PSG3: variants seen among roughly 807,000 people sequenced by gnomAD.
The protein encoded by PSG3 is pregnancy specific beta-1-glycoprotein 3.
PSG3 carries 61 observed loss-of-function variants against 47.5 expected under a neutral mutation model. That is an observed-to-expected ratio of 1.28 (90% CI 1.05 to 1.59). The LOEUF (loss-of-function observed/expected upper bound fraction) is 1.59, where lower values mean the gene tolerates loss of function less well. PSG3 is among the 40% of genes most tolerant of loss of function. The pLI, the probability that PSG3 is intolerant of heterozygous loss-of-function variation, is 0.00. For synonymous variants in PSG3, 263 were observed against 198.4 expected (o/e 1.33, Z -2.74); for missense variants, 756 against 524.0 (o/e 1.44, Z -4.32).
chr19:42,734,455 T>C (rs1251243286), intron 2 of PSG3, among the ~76,000 whole-genome samples: 2 of 152,216 alleles, frequency 1.3e-5, no homozygotes, highest in African/African-American at 4.8e-5. Flanking sequence ...ACTGTAATTT[T>C]CCCATAAAAA....
Position 42,730,014 on chromosome 19 carries a change from G to C in PSG3, c.752C>G (p.Pro251Arg). Reference sequence around the variant, plus strand: ...GGCTAAGACATCCTTATTCTCCCTGGGGTTTAAGTTGTTGATGGTGATGTA... The same window carrying C: ...GGCTAAGACATCCTTATTCTCCCTGCGGTTTAAGTTGTTGATGGTGATGTA... ...KPYITINNLN[P>R]RENKDVLAFT... The change falls in exon 4 of 7, where the codon CCC becomes CGC. Residue 251 changes from proline (P) to arginine (R), a missense_variant. Pro to Arg is a moderately radical substitution (Grantham distance 103). Coordinates refer to ENST00000327495, the MANE Select transcript of PSG3 (RefSeq NM_021016.4). 3.7e-6 allele frequency: 6 copies of C among 1,612,468 alleles called. No homozygotes were observed. Among genetic ancestry groups the C allele is most frequent in the Non-Finnish European group, 5.1e-6 (6 of 1,179,832 alleles).
rs752610700 is a variant in PSG3, at chr19:42,738,829, T to A, written c.325A>T (p.Ile109Phe). ...GCGTCCTCCCGGGTGACATTCTGGA[T>A]CAGCAGGGATGCATTGGAATATACT... The part of the protein sequence containing the change: ...ETVYSNASLL[I>F]QNVTREDAGS... The change falls in exon 2 of 7, where the codon ATC becomes TTC. Residue 109 changes from isoleucine to phenylalanine, a missense_variant. Ile to Phe is a conservative substitution (Grantham distance 21). Coordinates refer to ENST00000327495, the MANE Select transcript of PSG3 (RefSeq NM_021016.4). 6.2e-7 allele frequency: 1 copy of A among 1,614,118 alleles called. No homozygotes were observed.
Position 42,732,817 on chromosome 19 carries a change from T to G in PSG3, c.676A>C (p.Ser226Arg). 4.3e-6 allele frequency: 7 copies of G among 1,614,194 alleles called. No individual in the cohort carries two copies. In the Middle Eastern group the frequency reaches 1.2e-3, roughly 266 times the overall value. Residue 226 changes from serine (S) to arginine (R), a missense_variant, in exon 3 of 7, where the codon AGC becomes CGC. By Grantham distance (110) the Ser-to-Arg change is moderately radical. Coordinates refer to ENST00000327495, the MANE Select transcript of PSG3 (RefSeq NM_021016.4). ...ECEIRNPVSA[S>R]RSDPVTLNLL... ...TTCAGGGTGACTGGGTCACTGCGGC[T>G]GGCACTCACTGGGTTCCGTATTTCA...
chr19:42,736,890 G>C (rs561594406), intron 2 of PSG3, among the ~76,000 whole-genome samples: 94 of 152,224 alleles, frequency 6.2e-4, no homozygotes, highest in African/African-American at 2.3e-3. Context: ...CTGGGAGGTG[G>C]GCCAGGCCAC....
At chr19:42,740,206 C>T (rs1055644713) in intron 1 of PSG3, 115 bp downstream of exon 1, 3 of 1,595,688 alleles carry the variant, frequency 1.9e-6, no homozygotes, top group East Asian at 4.5e-5. Context: ...CCCTCCTCAG[C>T]CTCCCTAAGT....
intron 4 of PSG3, 24 bp from the exon 5 acceptor site, chr19:42,729,401 C>T (rs765142949): frequency 8.8e-6 from 14 of 1,596,782 alleles, no homozygotes; most frequent in African/African-American, 2.7e-5. Context: ...AATAAAGCCA[C>T]AGGTGATGTC....
intron 6 of PSG3, among the ~76,000 whole-genome samples, 154 bp downstream of exon 6, chr19:42,723,788 G>A (rs1015996458): frequency 6.6e-6 from 1 of 150,926 alleles, no homozygotes; most frequent in East Asian, 1.9e-4. Context: ...AAAGGCCAGG[G>A]AGAAAGGGAA....
rs369257144 is a variant in PSG3, at chr19:42,733,044, G to T, written c.449C>A (p.Ser150Tyr). ...GGGGTATAAGTTGCTGCTGGAGATG[G>T]AGGGCTTGGGAGTCTCCACTGTGCA... ...FTLYLETPKP[S>Y]ISSSNLYPRE... is the part of the protein sequence containing the mutation. The change falls in exon 3 of 7, where the codon TCC becomes TAC. Residue 150 changes from serine (S) to tyrosine (Y), a missense_variant. Coordinates refer to ENST00000327495, the MANE Select transcript of PSG3 (RefSeq NM_021016.4). The T allele has an allele frequency of 1.7e-5, 28 of 1,613,944 alleles. No individual in the cohort carries two copies. The highest frequency in any genetic ancestry group is 6.7e-5 in the East Asian group (3 of 44,882).
chr19:42,724,613 T>A (rs1025900304), intron 5 of PSG3, among the ~76,000 whole-genome samples: 2 of 152,128 alleles, frequency 1.3e-5, no homozygotes, highest in African/African-American at 2.4e-5. Context: ...TACCTAAAAC[T>A]TCTTTCTCTT....
chr19:42,723,329 T>C (rs1969326123), intron 6 of PSG3, among the ~76,000 whole-genome samples: 1 of 152,154 alleles, frequency 6.6e-6, no homozygotes, highest in Non-Finnish European at 1.5e-5. Context: ...AGACATAGCA[T>C]TGGAACTAAG....
intron 2 of PSG3, among the ~76,000 whole-genome samples, chr19:42,733,878 C>G (rs1359035787): frequency 6.6e-6 from 1 of 152,168 alleles, no homozygotes; most frequent in Non-Finnish European, 1.5e-5. Flanking sequence ...TTTGCAAATG[C>G]AGAACCGACT....
chr19:42,739,822 CT>C (rs1969638423), intron 1 of PSG3, among the ~76,000 whole-genome samples: 1 of 152,212 alleles, frequency 6.6e-6, no homozygotes, highest in African/African-American at 2.4e-5. Context: ...AAACAGAACA[CT>C]TAAGATTTTC....
chr19:42,729,058 C>A, intron 5 of PSG3, 65 bp downstream of exon 5: 1 of 1,612,032 alleles, frequency 6.2e-7, no homozygotes, highest in Non-Finnish European at 8.5e-7. Flanking sequence ...TTTCCTGACT[C>A]TTCTCTGAAA....
intron 1 of PSG3, chr19:42,739,424 C>T (rs1969629510): frequency 3.6e-6 from 1 of 274,236 alleles, no homozygotes; most frequent in Admixed American, 4.8e-5. Context: ...AGACTTCTTT[C>T]CTGACGCCTC....
chr19:42,722,023 C>T lies in PSG3; in HGVS notation c.*108G>A, dbSNP rs1969307589. ...TTGTCAGAGTCTTTTCATAAATCTC[C>T]TTGAACAAAAAGCAATTTTGGACTG... On this transcript the variant is annotated 3_prime_UTR_variant, in exon 7 of 7. Coordinates refer to ENST00000327495, the MANE Select transcript of PSG3 (RefSeq NM_021016.4). The T allele has an allele frequency of 2.4e-6, 1 of 416,258 alleles. No individual in the cohort carries two copies. Among genetic ancestry groups the T allele is most frequent in the Non-Finnish European group, 4.4e-6 (1 of 226,970 alleles). 25.8% of individuals were successfully genotyped at this position (416,258 alleles called of 1,614,324 possible).
Position 42,738,848 on chromosome 19 carries a change from A to T in PSG3, c.306T>A (p.Tyr102Ter), listed in dbSNP as rs757434622. 1.2e-6 allele frequency: 2 copies of T among 1,613,994 alleles called. No individual in the cohort carries two copies. The highest frequency in any genetic ancestry group is 1.7e-6 in the Non-Finnish European group (2 of 1,180,000). Residue 102 changes from tyrosine to a stop codon, truncating the protein, a stop_gained, in exon 2 of 7, where the codon TAT becomes TAA. Transcript: ENST00000327495. LOFTEE classifies it high-confidence loss of function. ...GPAYSGRETV[Y>*]SNASLLIQNV... is the part of the protein sequence containing the mutation. ...TCTGGATCAGCAGGGATGCATTGGA[A>T]TATACTGTTTCTCGTCCACTGTATG...
chr19:42,730,331 C>G (rs1017918050), intron 3 of PSG3, among the ~76,000 whole-genome samples: 1 of 152,132 alleles, frequency 6.6e-6, no homozygotes, highest in African/African-American at 2.4e-5. Context: ...GAGTCACAGC[C>G]CCTGGTACCC....
At position 42,733,057 on chromosome 19, in the gene PSG3, T is replaced by A. The variant is rs371635463; in HGVS notation, c.436A>T (p.Thr146Ser). The A allele has an allele frequency of 1.5e-5, 25 of 1,613,434 alleles. No homozygotes were observed. Among genetic ancestry groups the A allele is most frequent in the Non-Finnish European group, 1.9e-5 (23 of 1,179,834 alleles). Residue 146 changes from threonine to serine, a missense_variant, in exon 3 of 7, where the codon ACT (threonine) becomes TCT (serine). Transcript: ENST00000327495. ...CTGCTGGAGATGGAGGGCTTGGGAG[T>A]CTCCACTGTGCAGAAAACAGAGAGA... ...GHFTFTLYLE[T>S]PKPSISSSNL...
rs1969305037 is a variant in PSG3 at position 42,721,868 on chromosome 19, A to G, written c.*263T>C. ...TATGAAAACATTGTTTTGACTATTT[A>G]GTCCAATAAAATTGGGTTTTTTTCT... On this transcript the variant is annotated 3_prime_UTR_variant, in exon 7 of 7. Transcript: ENST00000327495. 1 of 414,646 alleles carries G rather than the reference A, an allele frequency of 2.4e-6. No individual in the cohort carries two copies. Among genetic ancestry groups the G allele is most frequent in the African/African-American group, 2.1e-5 (1 of 48,698 alleles). 25.7% of individuals were successfully genotyped at this position (414,646 alleles called of 1,614,324 possible).
Sources: gnomAD v4.1 joint callset for allele counts (sites outside exome capture counted in the v4.1 genomes callset) on GRCh38, gnomAD v4.1.1 for gene constraint, MANE v1.5 for transcripts, NCBI Gene and HGNC (gene_info 2026-07-23, HGNC 2026-07-21) for gene names.